The following CNOT4 variants were observed in gnomAD, a reference collection of about 807,000 sequenced individuals.
The protein encoded by CNOT4 is CCR4-associated factor 4.
A neutral mutation model predicts 73.8 loss-of-function variants in CNOT4; 8 were observed. The ratio of observed to expected loss-of-function variants is 0.11; its 90% confidence interval spans 0.06 to 0.20. The LOEUF is 0.20. CNOT4 is among the 10% of genes least tolerant of loss of function. CNOT4 has a pLI of 1.00. For missense variants in CNOT4, 564 were observed against 883.4 expected, an observed-to-expected ratio of 0.64 and a Z score of 4.58; for synonymous variants, 293 against 321.1, an observed-to-expected ratio of 0.91 and a Z score of 0.94.
At chr7:135,429,023 T>C (rs1374382535) in intron 2 of CNOT4, among the ~76,000 whole-genome samples, 1 of 152,116 alleles carries the variant, frequency 6.6e-6, no homozygotes, top group Non-Finnish European at 1.5e-5. Flanking sequence ...AATTCTGTTA[T>C]TCAAATTCCC....
At chr7:135,481,474 A>G (rs1468138752) in intron 1 of CNOT4, among the ~76,000 whole-genome samples, 1 of 152,206 alleles carries the variant, frequency 6.6e-6, no homozygotes, top group East Asian at 1.9e-4. Flanking sequence ...AGAGAAAAAG[A>G]GAACTCTTAA....
chr7:135,463,580 T>C (rs1585683595), intron 1 of CNOT4, among the ~76,000 whole-genome samples: 1 of 145,852 alleles, frequency 6.9e-6, no homozygotes, highest in Non-Finnish European at 1.5e-5. Context: ...CCAACCACCG[T>C]GGAAGACAAC....
chr7:135,471,824 T>C (rs1801598797), intron 1 of CNOT4, among the ~76,000 whole-genome samples: 1 of 152,244 alleles, frequency 6.6e-6, no homozygotes, highest in Non-Finnish European at 1.5e-5. Flanking sequence ...GCAGTGTTCC[T>C]ATGCCTAGCG....
chr7:135,410,288 C>T (rs1466609735), intron 7 of CNOT4, among the ~76,000 whole-genome samples: 1 of 152,120 alleles, frequency 6.6e-6, no homozygotes, highest in Non-Finnish European at 1.5e-5. Flanking sequence ...CAAATCACCA[C>T]AAAAGGTGAA....
At chr7:135,505,283 A>G (rs974007633) in intron 1 of CNOT4, among the ~76,000 whole-genome samples, 2 of 152,142 alleles carry the variant, frequency 1.3e-5, no homozygotes, top group Non-Finnish European at 1.5e-5. Flanking sequence ...GGCCGGGCAC[A>G]GTGGCTCACA....
chr7:135,368,679 A>C (rs1252936981), intron 10 of CNOT4, among the ~76,000 whole-genome samples: 6 of 152,198 alleles, frequency 3.9e-5, no homozygotes, highest in Non-Finnish European at 4.4e-5. Flanking sequence ...CCCTCCTCCC[A>C]CACCAAACCT....
chr7:135,388,201 C>G (rs1217708571), intron 10 of CNOT4: 1 of 985,030 alleles, frequency 1.0e-6, no homozygotes, highest in African/African-American at 1.7e-5. Flanking sequence ...AAAGAAAGTG[C>G]AAAAGTGCAA....
chr7:135,427,153 G>T (rs1798553822), intron 2 of CNOT4, among the ~76,000 whole-genome samples: 1 of 151,998 alleles, frequency 6.6e-6, no homozygotes, highest in Non-Finnish European at 1.5e-5. Flanking sequence ...AGTTAACATG[G>T]TTTGCAGTTT....
At chr7:135,446,708 G>A (rs1799853586) in intron 1 of CNOT4, among the ~76,000 whole-genome samples, 1 of 151,348 alleles carries the variant, frequency 6.6e-6, no homozygotes, top group African/African-American at 2.4e-5. Context: ...TTATAGATAT[G>A]AAATACACAC....
rs1249090686 is a variant in CNOT4 at position 135,394,278 on chromosome 7, G to A, written c.1267C>T (p.Leu423=). 1 of 1,614,092 alleles carries A rather than the reference G, an allele frequency of 6.2e-7. No homozygotes were observed. Among genetic ancestry groups the A allele is most frequent in the African/African-American group, 1.3e-5 (1 of 74,924 alleles). Residue 423 remains leucine, a synonymous_variant, in exon 10 of 12, where the codon CTG becomes TTG. Transcript: ENST00000541284. ...KALADLIEKE[L]SVQDQPSLSP... is the part of the protein sequence containing the mutation. ...AGGGAAGGTTGGTCTTGAACGGACA[G>A]TTCCTTCTCAATCAGGTCTGCTAAG...
chr7:135,421,065 G>T lies in CNOT4; in HGVS notation c.372+1091C>A, dbSNP rs111931664. 2.9e-4 allele frequency among the ~76,000 whole-genome samples: 44 copies of T among 152,290 alleles called. 1 individual carries two copies. The highest frequency in any genetic ancestry group is 1.0e-3 in the African/African-American group (42 of 41,560). ...GCCTCCATGTTTATCATCCATGACA[G>T]ATCCTTCTTACTAATGTCCCTGACT... On this transcript the variant is annotated intron_variant, in intron 3 of 11. Coordinates refer to ENST00000541284, the MANE Select transcript of CNOT4 (RefSeq NM_001190850.2).
In CNOT4 at chr7:135,414,405, A is replaced by G. The variant is rs1263484246; in HGVS notation, c.487T>C (p.Tyr163His). 2 of 1,545,116 alleles carry G rather than the reference A, an allele frequency of 1.3e-6. No homozygotes were observed. The highest frequency in any genetic ancestry group is 1.8e-6 in the Non-Finnish European group (2 of 1,119,196). The change falls in exon 5 of 12, where the codon TAT (tyrosine) becomes CAT (histidine). Residue 163 changes from tyrosine (Y) to histidine (H), a missense_variant. Physicochemically the swap from Tyr to His is moderately conservative, Grantham distance 83. This residue lies in a region of CNOT4 where 76 missense variants were observed against 208.7 expected (regional missense o/e 0.36). Coordinates refer to ENST00000541284, the MANE Select transcript of CNOT4 (RefSeq NM_001190850.2). ...QGPSASAYVT[Y>H]IRSEDALRAI... ...CTGAGAGCGTCTTCTGACCGGATAT[A>G]GGTTACATAAGCACTGGCACTTGGA...
At chr7:135,491,703 T>C (rs966244230) in intron 1 of CNOT4, among the ~76,000 whole-genome samples, 1 of 152,054 alleles carries the variant, frequency 6.6e-6, no homozygotes, top group African/African-American at 2.4e-5. Flanking sequence ...GAAAGAGCAA[T>C]TGAGGGAAGA....
At chr7:135,453,826 T>TTATATATATTATATA (rs1800337627) in intron 1 of CNOT4, among the ~76,000 whole-genome samples, 5 of 89,902 alleles carry the variant, frequency 5.6e-5, no homozygotes, top group Non-Finnish European at 2.3e-5. Flanking sequence ...TATATATATT[T>TTATATATATTATATA]TATATATATA....
Position 135,388,907 on chromosome 7 carries a change from C to T in CNOT4, c.1627+5011G>A, listed in dbSNP as rs1796257977. 6 of 1,611,906 alleles carry T rather than the reference C, an allele frequency of 3.7e-6. No individual in the cohort carries two copies. The East Asian group carries it at 1.3e-4, about 36-fold the overall frequency. ...ACCTCTTCTTCCCCTGTGGAAAAGTCAGTCATGGTCTAGTTATGGGTGACT... is the reference window on the plus strand; with the variant it reads ...ACCTCTTCTTCCCCTGTGGAAAAGTTAGTCATGGTCTAGTTATGGGTGACT... On this transcript the variant is annotated intron_variant, in intron 10 of 11. Transcript: ENST00000541284.
intron 3 of CNOT4, among the ~76,000 whole-genome samples, chr7:135,420,578 A>C (rs2551775): frequency 1.5e-5 from 1 of 67,220 alleles, no homozygotes; most frequent in Admixed American, 1.7e-4. Context: ...CCATGTCTCC[A>C]AAAAAAAAAA....
chr7:135,506,035 T>C (rs1337198918), intron 1 of CNOT4, among the ~76,000 whole-genome samples: 1 of 152,244 alleles, frequency 6.6e-6, no homozygotes, highest in Non-Finnish European at 1.5e-5. Context: ...TGCTAGCTTT[T>C]AAATTTGAGT....
At chr7:135,385,075 A>C (rs1796055832) in intron 10 of CNOT4, among the ~76,000 whole-genome samples, 1 of 152,208 alleles carries the variant, frequency 6.6e-6, no homozygotes, top group African/African-American at 2.4e-5. Context: ...ACTTATTTGC[A>C]CTGGCCAGCA....
intron 10 of CNOT4, among the ~76,000 whole-genome samples, chr7:135,383,752 T>C (rs989432945): frequency 1.3e-5 from 2 of 152,192 alleles, no homozygotes; most frequent in African/African-American, 4.8e-5. Context: ...CTAGTTATCA[T>C]TCCCTTAGCA....
Sources: gnomAD v4.1 joint callset for allele counts (sites outside exome capture counted in the v4.1 genomes callset) on GRCh38, gnomAD v4.1.1 for gene constraint, gnomAD v4.1.1 regional missense constraint, MANE v1.5 for transcripts, NCBI Gene and HGNC (gene_info 2026-07-23, HGNC 2026-07-21) for gene names.